The following LRTM3 variants were observed in gnomAD, a reference collection of about 807,000 sequenced individuals.
LRTM3 encodes the protein leucine-rich repeat transmembrane protein 3.
the LRTM3 span, chr13:102,738,318 C>T: frequency 1.3e-6 from 2 of 1,550,818 alleles, no homozygotes; most frequent in Non-Finnish European, 1.7e-6. Context: ...TCCCCTGCCT[C>T]TGATGATTTT....
chr13:102,739,683 T>G, the LRTM3 span: 3 of 1,550,238 alleles, frequency 1.9e-6, no homozygotes, highest in South Asian at 2.4e-5. Flanking sequence ...TTTATTCTTT[T>G]CATATCCATT....
At chr13:102,736,035 T>C in the LRTM3 span, 1 of 1,549,056 alleles carries the variant, frequency 6.5e-7, no homozygotes, top group Non-Finnish European at 8.7e-7. Flanking sequence ...CTGCCTTCTA[T>C]TTTTACTCTG....
At chr13:102,743,301 T>C in the LRTM3 span, 2 of 1,550,528 alleles carry the variant, frequency 1.3e-6, no homozygotes, top group Non-Finnish European at 8.7e-7. Flanking sequence ...GATATTCTCA[T>C]GTCTATCTCT....
At chr13:102,746,271 G>GCGCT in the LRTM3 span, 20 of 1,550,892 alleles carry the variant, frequency 1.3e-5, no homozygotes, top group Non-Finnish European at 1.7e-5. Context: ...CTCAGCTGTG[G>GCGCT]CGCTGCTTCT....
the LRTM3 span, chr13:102,742,465 G>A: frequency 6.5e-7 from 1 of 1,549,146 alleles, no homozygotes; most frequent in Non-Finnish European, 8.7e-7. Context: ...TTGTTTTCCA[G>A]TCTGCAGTTT....
At chr13:102,741,257 A>G in the LRTM3 span, 2 of 1,550,332 alleles carry the variant, frequency 1.3e-6, no homozygotes, top group Non-Finnish European at 8.7e-7. Flanking sequence ...ATTTTCATTG[A>G]AACTTTCAGA....
chr13:102,737,172 C>T, the LRTM3 span: 1 of 1,551,034 alleles, frequency 6.4e-7, no homozygotes, highest in Non-Finnish European at 8.7e-7. Flanking sequence ...TCCACACTTA[C>T]TGTTTTTCCT....
At chr13:102,748,140 G>T in the LRTM3 span, 1 of 1,550,986 alleles carries the variant, frequency 6.4e-7, no homozygotes, top group Non-Finnish European at 8.7e-7. Context: ...TCTGTATCAG[G>T]TAGTTGAGAA....
At chr13:102,747,593 G>T in the LRTM3 span, 1 of 1,550,946 alleles carries the variant, frequency 6.4e-7, no homozygotes, top group Non-Finnish European at 8.7e-7. Flanking sequence ...ATGACTATCC[G>T]TTGTCTTTTG....
the LRTM3 span, chr13:102,744,693 T>C: frequency 6.4e-7 from 1 of 1,550,868 alleles, no homozygotes; most frequent in African/African-American, 1.4e-5. Context: ...AGGTGTTGAC[T>C]ATAGCATGGA....
chr13:102,743,751 ACTCT>A, the LRTM3 span: 1 of 1,549,606 alleles, frequency 6.5e-7, no homozygotes, highest in Non-Finnish European at 8.7e-7. Flanking sequence ...TTTCTGGTAG[ACTCT>A]CTATTGATTT....
At chr13:102,737,331 G>A in the LRTM3 span, 1 of 1,550,968 alleles carries the variant, frequency 6.4e-7, no homozygotes. Context: ...ATTATTCCTT[G>A]TAAGTCTTCC....
At chr13:102,730,880 G>C in the LRTM3 span, 1 of 1,551,374 alleles carries the variant, frequency 6.4e-7, no homozygotes, top group Non-Finnish European at 8.7e-7. Context: ...TTTCTCCTCA[G>C]AAAGTAACAA....
At chr13:102,756,970 C>T in the LRTM3 span, among the ~76,000 whole-genome samples, 1 of 152,282 alleles carries the variant, frequency 6.6e-6, no homozygotes, top group South Asian at 2.1e-4. Context: ...GATTCTGAAG[C>T]TAAAAATCCT....
chr13:102,736,433 G>A, the LRTM3 span: 8 of 1,551,122 alleles, frequency 5.2e-6, no homozygotes, highest in Non-Finnish European at 7.0e-6. Flanking sequence ...TTCTTTCTGT[G>A]GAAGGAGTTG....
At chr13:102,737,427 T>G in the LRTM3 span, 1 of 1,550,782 alleles carries the variant, frequency 6.4e-7, no homozygotes, top group African/African-American at 1.4e-5. Flanking sequence ...TCCTGTTTAC[T>G]CTTGTGTCCA....
At chr13:102,734,985 G>T in the LRTM3 span, 2 of 1,551,112 alleles carry the variant, frequency 1.3e-6, no homozygotes, top group Non-Finnish European at 1.7e-6. Flanking sequence ...GGTGATACCT[G>T]GAGTTTTACT....
the LRTM3 span, chr13:102,735,620 A>G: frequency 1.3e-6 from 2 of 1,550,822 alleles, no homozygotes; most frequent in South Asian, 2.4e-5. Context: ...ACATTTGGGG[A>G]GCATTTTGTC....
chr13:102,751,342 TACACACAC>T, the LRTM3 span, among the ~76,000 whole-genome samples: 2,352 of 142,076 alleles, frequency 0.017, 30 homozygotes, highest in Non-Finnish European at 0.018. Flanking sequence ...TCTCTCTTTA[TACACACAC>T]ACACACACAC....
Sources: allele counts gnomAD v4.1 joint callset (sites outside exome capture counted in the v4.1 genomes callset), GRCh38; gene constraint gnomAD v4.1.1; transcripts MANE v1.5; gene names NCBI Gene and HGNC (gene_info 2026-07-23, HGNC 2026-07-21).